The following ZNF814 variants were observed in gnomAD, a reference collection of about 807,000 sequenced individuals.
ZNF814 encodes zinc finger protein 814.
A neutral mutation model predicts 7.5 loss-of-function variants in ZNF814; 5 were observed. The ratio of observed to expected loss-of-function variants is 0.67; its 90% confidence interval spans 0.35 to 1.40. ZNF814 has a LOEUF of 1.40. Among genes scored for constraint, ZNF814 ranks in the 40% most tolerant of loss-of-function variants. The probability of loss-of-function intolerance (pLI) is 0.04; values close to 1 mark genes in which losing one functional copy is unlikely to be tolerated. For missense variants in ZNF814, 962 were observed against 1,018.0 expected, an observed-to-expected ratio of 0.94 and a Z score of 0.75; for synonymous variants, 315 against 340.7, an observed-to-expected ratio of 0.92 and a Z score of 0.83.
At chr19:57,895,847 G>T in the ZNF814 span, among the ~76,000 whole-genome samples, 1 of 150,144 alleles carries the variant, frequency 6.7e-6, no homozygotes, top group Non-Finnish European at 1.5e-5. Context: ...ACACAAGAAA[G>T]AATTCAGGGT....
upstream of ZNF814, among the ~76,000 whole-genome samples, chr19:57,891,717 GCT>G (rs1028172814): frequency 4.0e-5 from 6 of 151,878 alleles, no homozygotes; most frequent in Non-Finnish European, 7.4e-5. Flanking sequence ...TAGCCGGGCG[GCT>G]CTGTCTATGG....
chr19:57,877,488 G>A (rs1396322920), intron 1 of ZNF814, among the ~76,000 whole-genome samples: 2 of 152,092 alleles, frequency 1.3e-5, no homozygotes, highest in Admixed American at 6.5e-5. Context: ...TCTGTCACCA[G>A]GCTGAATGTA....
At position 57,888,829 on chromosome 19, in the gene ZNF814, G is replaced by A. The variant is rs771906185; in HGVS notation, c.-27C>T. 47 of 1,551,444 alleles carry A rather than the reference G, an allele frequency of 3.0e-5. No homozygotes were observed. Among genetic ancestry groups the A allele is most frequent in the Non-Finnish European group, 8.7e-6 (10 of 1,146,960 alleles). The stretch of plus-strand genomic sequence containing the variant: ...GAACCACGTGGTTTTAAGCAGAGTC[G>A]GGAGGATAGGGCGACCAGCCAGGAG... On this transcript the variant is annotated 5_prime_UTR_variant, in exon 1 of 3. Coordinates refer to ENST00000435989, the MANE Select transcript of ZNF814 (RefSeq NM_001144989.2).
chr19:57,875,591 G>A lies in ZNF814; in HGVS notation c.164-365C>T, dbSNP rs1391879652. On this transcript the variant is annotated intron_variant, in intron 2 of 2. Coordinates refer to ENST00000435989, the MANE Select transcript of ZNF814 (RefSeq NM_001144989.2). ...CACAAGCACAACACAGCAGCTACTC[G>A]AGGAGAGTTTAACAAAGTATATATA... Among the ~76,000 whole-genome samples the A allele has an allele frequency of 2.0e-4, 30 of 152,092 alleles. 1 individual carries two copies. The highest frequency in any genetic ancestry group is 4.4e-5 in the Non-Finnish European group (3 of 68,000).
chr19:57,874,667 A>T lies in ZNF814; in HGVS notation c.723T>A (p.Cys241Ter). Residue 241 changes from cysteine to a stop codon, truncating the protein, a stop_gained, in exon 3 of 3, where the codon TGT becomes TGA. Coordinates refer to ENST00000435989, the MANE Select transcript of ZNF814 (RefSeq NM_001144989.2). LOFTEE classifies it low-confidence loss of function (END_TRUNC). ...ACTTCCCACATTCACAGCACACATA[A>T]CACTCTTCTCTAGTGAGCAGTCTCT... ...QHQRLLTREE[C>*]YVCCECGKSF... 1 of 1,559,956 alleles carries T rather than the reference A, an allele frequency of 6.4e-7. No homozygotes were observed. Among genetic ancestry groups the T allele is most frequent in the Non-Finnish European group, 8.7e-7 (1 of 1,150,960 alleles).
At chr19:57,888,683 G>GC in intron 1 of ZNF814, 84 bp downstream of exon 1, 1 of 1,513,032 alleles carries the variant, frequency 6.6e-7, no homozygotes, top group Non-Finnish European at 9.0e-7. Context: ...CGTCCGGGCT[G>GC]CAGAGCCGTG....
chr19:57,887,359 G>A (rs1293468749), intron 1 of ZNF814, among the ~76,000 whole-genome samples: 1 of 152,182 alleles, frequency 6.6e-6, no homozygotes, highest in African/African-American at 2.4e-5. Context: ...CCACCTCAAA[G>A]ACTCTTCCTT....
the ZNF814 span, among the ~76,000 whole-genome samples, chr19:57,900,127 G>C: frequency 6.6e-6 from 1 of 152,096 alleles, no homozygotes; most frequent in Non-Finnish European, 1.5e-5. Flanking sequence ...GTCTAGTAAT[G>C]GATAAGCCTC....
In ZNF814 at chr19:57,871,645, T is replaced by TCTC. The variant is rs997927004; in HGVS notation, c.*1174_*1176dup. On this transcript the variant is annotated 3_prime_UTR_variant, in exon 3 of 3. Coordinates refer to ENST00000435989, the MANE Select transcript of ZNF814 (RefSeq NM_001144989.2). ...CAAGATTGATGTGATACCCACAAGA[T>TCTC]CTCTGAAAGACATAGTCCGTCTTTT... is the stretch of plus-strand genomic sequence containing the variant. 9 of 151,858 alleles carry TCTC rather than the reference T, an allele frequency of 5.9e-5. No homozygotes were observed. The highest frequency in any genetic ancestry group is 2.2e-4 in the African/African-American group (9 of 41,314). 9.4% of individuals were successfully genotyped at this position (151,858 alleles called of 1,614,324 possible).
chr19:57,896,305 C>T, the ZNF814 span, among the ~76,000 whole-genome samples: 1 of 152,058 alleles, frequency 6.6e-6, no homozygotes, highest in African/African-American at 2.4e-5. This position sits in a 1 kb window ranked among gnomAD's most constrained non-coding sequence, Gnocchi z 4.2. Context: ...AAACAGATCA[C>T]GAGACAGATT....
chr19:57,891,460 G>A (rs2071733858), upstream of ZNF814, among the ~76,000 whole-genome samples: 1 of 151,634 alleles, frequency 6.6e-6, no homozygotes, highest in Admixed American at 6.6e-5. Flanking sequence ...GGGAGGTGGA[G>A]CTTGCAGTGA....
chr19:57,891,524 CAA>C (rs557386723), upstream of ZNF814, among the ~76,000 whole-genome samples: 5 of 119,530 alleles, frequency 4.2e-5, no homozygotes, highest in Admixed American at 1.7e-4. Flanking sequence ...GACTCCGCCT[CAA>C]AAAAAAAAAA....
intron 1 of ZNF814, among the ~76,000 whole-genome samples, chr19:57,885,598 A>G (rs1484021115): frequency 6.7e-6 from 1 of 150,058 alleles, no homozygotes; most frequent in Non-Finnish European, 1.5e-5. Flanking sequence ...CCACTGCACT[A>G]CAGCCTGGAC....
the ZNF814 span, among the ~76,000 whole-genome samples, chr19:57,904,383 T>C: frequency 6.6e-6 from 1 of 152,316 alleles, no homozygotes. Flanking sequence ...ACCCACCCTA[T>C]GTACTCTTGT....
At chr19:57,902,465 C>T in the ZNF814 span, among the ~76,000 whole-genome samples, 38 of 152,096 alleles carry the variant, frequency 2.5e-4, no homozygotes, top group African/African-American at 8.9e-4. Context: ...TATCTCCTGC[C>T]ATAGGACAGG....
chr19:57,895,383 C>T, the ZNF814 span, among the ~76,000 whole-genome samples: 1 of 151,200 alleles, frequency 6.6e-6, no homozygotes, highest in African/African-American at 2.4e-5. Flanking sequence ...TGAAGCAATT[C>T]TCTTGCCTCA....
At chr19:57,891,473 C>T (rs1276462750), upstream of ZNF814, among the ~76,000 whole-genome samples, 4 of 150,340 alleles carry the variant, frequency 2.7e-5, no homozygotes, top group African/African-American at 4.9e-5. Context: ...TGCAGTGAGC[C>T]GAGATTGCAC....
At chr19:57,894,388 T>C in the ZNF814 span, among the ~76,000 whole-genome samples, 2 of 151,828 alleles carry the variant, frequency 1.3e-5, no homozygotes, top group Admixed American at 1.3e-4. Flanking sequence ...AGAAGCCGAT[T>C]TGCCCAAATC....
At chr19:57,904,201 T>A in the ZNF814 span, among the ~76,000 whole-genome samples, 1 of 152,190 alleles carries the variant, frequency 6.6e-6, no homozygotes, top group African/African-American at 2.4e-5. Context: ...GAGCATATGC[T>A]AAGCCATCAC....
Sources: allele counts gnomAD v4.1 joint callset (sites outside exome capture counted in the v4.1 genomes callset), GRCh38; gene constraint gnomAD v4.1.1; non-coding constraint Gnocchi (gnomAD v3.1); transcripts MANE v1.5; gene names NCBI Gene and HGNC (gene_info 2026-07-23, HGNC 2026-07-21).